ARSB: variants seen among roughly 807,000 people sequenced by gnomAD.
ARSB encodes arylsulfatase B, also known as N-acetylgalactosamine-4-sulfatase.
In ARSB, 41 loss-of-function variants were observed where a neutral mutation model predicts 50.9. The observed-to-expected ratio is 0.81, with a 90% CI of 0.63 to 1.04. The LOEUF is 1.04. Among genes scored for constraint, ARSB ranks in the 50% least tolerant of loss-of-function variants. The pLI is 0.00. For missense variants in ARSB, 672 were observed against 693.3 expected (o/e 0.97, Z 0.35); for synonymous variants, 269 against 284.8 (o/e 0.94, Z 0.56).
At chr5:78,917,660 G>A (rs1235878658) in intron 4 of ARSB, among the ~76,000 whole-genome samples, 2 of 152,074 alleles carry the variant, frequency 1.3e-5, no homozygotes, top group Non-Finnish European at 2.9e-5. Flanking sequence ...TTACAGTTGT[G>A]TGCCACCACA....
At chr5:78,971,680 C>T (rs1438814770) in intron 1 of ARSB, among the ~76,000 whole-genome samples, 1 of 152,184 alleles carries the variant, frequency 6.6e-6, no homozygotes, top group Admixed American at 6.5e-5. Flanking sequence ...TTAGGAATTG[C>T]ACCTGCTATT....
chr5:78,800,509 T>G (rs1255470342), intron 6 of ARSB, among the ~76,000 whole-genome samples: 1 of 152,072 alleles, frequency 6.6e-6, no homozygotes, highest in Admixed American at 6.6e-5. Context: ...GGGTTATACA[T>G]TAAAATAACA....
intron 4 of ARSB, among the ~76,000 whole-genome samples, chr5:78,936,039 C>A (rs1580086345): frequency 9.3e-6 from 1 of 107,120 alleles, no homozygotes; most frequent in African/African-American, 3.5e-5. Flanking sequence ...CCCCCCACCT[C>A]CCTCCCTCTC....
chr5:78,946,194 AG>A (rs1751221969), intron 4 of ARSB, among the ~76,000 whole-genome samples: 1 of 152,238 alleles, frequency 6.6e-6, no homozygotes, highest in South Asian at 2.1e-4. Flanking sequence ...GAGAAGGATT[AG>A]AAGTGTCATC....
chr5:78,874,046 T>C (rs1050648588), intron 5 of ARSB, among the ~76,000 whole-genome samples: 2 of 152,130 alleles, frequency 1.3e-5, no homozygotes, highest in Admixed American at 6.5e-5. Context: ...AACAGTAACA[T>C]AGAAAACAAG....
At chr5:78,952,887 T>C (rs569593325) in intron 4 of ARSB, among the ~76,000 whole-genome samples, 1 of 152,358 alleles carries the variant, frequency 6.6e-6, no homozygotes, top group African/African-American at 2.4e-5. Flanking sequence ...TTCCCAGGAA[T>C]AATTTTGCTA....
intron 5 of ARSB, among the ~76,000 whole-genome samples, chr5:78,855,516 T>C (rs545612680): frequency 6.6e-6 from 1 of 152,232 alleles, no homozygotes; most frequent in East Asian, 1.9e-4. Flanking sequence ...AGTTCAGCAA[T>C]GGCTTAGCCT....
intron 5 of ARSB, among the ~76,000 whole-genome samples, chr5:78,858,862 A>C (rs1401171507): frequency 6.6e-6 from 1 of 152,230 alleles, no homozygotes. Context: ...AAATGTTTCA[A>C]ACACACTCTC....
intron 5 of ARSB, among the ~76,000 whole-genome samples, chr5:78,877,605 T>A (rs561203319): frequency 2.0e-5 from 3 of 152,256 alleles, no homozygotes; most frequent in African/African-American, 4.8e-5. Flanking sequence ...GCCAGGATAG[T>A]CTTGAACTCT....
At chr5:78,892,508 G>A (rs974581957) in intron 4 of ARSB, among the ~76,000 whole-genome samples, 19 of 151,870 alleles carry the variant, frequency 1.3e-4, no homozygotes, top group Non-Finnish European at 2.4e-4. Context: ...CATCCACCTC[G>A]GCTTCCCATA....
rs186820972 is a variant in ARSB at position 78,918,274 on chromosome 5, T to C, written c.899-32447A>G. Reference sequence around the variant, plus strand: ...TCAGAAGCTTTAGGAAGGCAACACATTGTGAGGTTTTTTTATTAAGTTATT... The same window carrying C: ...TCAGAAGCTTTAGGAAGGCAACACACTGTGAGGTTTTTTTATTAAGTTATT... On this transcript the variant is annotated intron_variant, in intron 4 of 7. Coordinates refer to ENST00000264914, the MANE Select transcript of ARSB (RefSeq NM_000046.5). 1.2e-3 allele frequency among the ~76,000 whole-genome samples: 177 copies of C among 152,310 alleles called. 3 individuals are homozygous for C. Among genetic ancestry groups the C allele is most frequent in the African/African-American group, 4.1e-3 (169 of 41,564 alleles).
chr5:78,845,302 A>G (rs1315977998), intron 5 of ARSB, among the ~76,000 whole-genome samples: 3 of 152,268 alleles, frequency 2.0e-5, no homozygotes, highest in East Asian at 1.9e-4. Flanking sequence ...AGTTGATTCT[A>G]TATCTTGGGT....
At chr5:78,977,317 CT>C (rs1752712390) in intron 1 of ARSB, among the ~76,000 whole-genome samples, 1 of 151,978 alleles carries the variant, frequency 6.6e-6, no homozygotes, top group South Asian at 2.1e-4. Context: ...TCATACCTGG[CT>C]AATTTTTGTA....
chr5:78,788,636 A>G (rs1449523024), intron 6 of ARSB, among the ~76,000 whole-genome samples: 1 of 152,136 alleles, frequency 6.6e-6, no homozygotes, highest in Non-Finnish European at 1.5e-5. Context: ...ACTGTTGCTC[A>G]GGCTAAAATA....
At chr5:78,903,576 T>C (rs1748898020) in intron 4 of ARSB, among the ~76,000 whole-genome samples, 1 of 152,208 alleles carries the variant, frequency 6.6e-6, no homozygotes, top group Admixed American at 6.5e-5. Context: ...GCCCCTACTT[T>C]TATACTGCAT....
chr5:78,964,183 C>T (rs764818837), intron 3 of ARSB, among the ~76,000 whole-genome samples: 2 of 152,150 alleles, frequency 1.3e-5, no homozygotes, highest in African/African-American at 4.8e-5. Context: ...CTCTAAAATG[C>T]TGATGTACGG....
At chr5:78,781,805 G>A (rs746743704) in intron 7 of ARSB, 47 bp downstream of exon 7, 17 of 1,613,178 alleles carry the variant, frequency 1.1e-5, no homozygotes, top group Middle Eastern at 1.7e-4. Context: ...ACACAGCCCT[G>A]CTTTGTCTAC....
At chr5:78,781,013 T>C (rs1748908991) in intron 7 of ARSB, among the ~76,000 whole-genome samples, 1 of 152,234 alleles carries the variant, frequency 6.6e-6, no homozygotes, top group Admixed American at 6.5e-5. Flanking sequence ...ACTTGTCATA[T>C]TGCAAACGCC....
chr5:78,906,192 G>T (rs1452235720), intron 4 of ARSB, among the ~76,000 whole-genome samples: 1 of 151,936 alleles, frequency 6.6e-6, no homozygotes, highest in South Asian at 2.1e-4. Flanking sequence ...AATTAGCCAA[G>T]TGTAGTGGTG....
Sources: allele counts gnomAD v4.1 joint callset (sites outside exome capture counted in the v4.1 genomes callset), GRCh38; gene constraint gnomAD v4.1.1; transcripts MANE v1.5; gene names NCBI Gene and HGNC (gene_info 2026-07-23, HGNC 2026-07-21).